AP2B1: variants seen among roughly 807,000 people sequenced by gnomAD.
AP2B1 encodes the protein adaptor related protein complex 2 subunit beta 1.
AP2B1 carries 23 observed loss-of-function variants against 102.0 expected under a neutral mutation model. The ratio of observed to expected loss-of-function variants is 0.23; its 90% CI spans 0.16 to 0.32. The LOEUF (loss-of-function observed/expected upper bound fraction) is 0.32, where lower values mean the gene tolerates loss of function less well. Ranked by LOEUF, AP2B1 falls within the 10% of genes least tolerant of loss-of-function variation. The pLI is 1.00. For synonymous variants in AP2B1, 381 were observed against 421.2 expected, an observed-to-expected ratio of 0.90 and a Z score of 1.17; for missense variants, 541 against 1,157.4, an observed-to-expected ratio of 0.47 and a Z score of 7.73.
intron 21 of AP2B1, among the ~76,000 whole-genome samples, chr17:35,721,233 A>C (rs1161984656): frequency 5.9e-5 from 9 of 152,214 alleles, no homozygotes; most frequent in African/African-American, 2.2e-4. Context: ...CACCTGAAAG[A>C]TAACTTGTCC....
chr17:35,689,582 G>T lies in AP2B1; in HGVS notation c.2454+6758G>T, dbSNP rs1332569768. On this transcript the variant is annotated intron_variant, in intron 18 of 21. Coordinates refer to ENST00000610402, the MANE Select transcript of AP2B1 (RefSeq NM_001030006.2). ...CATATCGAATCAATGTTCAGATTTT[G>T]TCATAATTTTTTTTGTTTTATTATT... is the stretch of plus-strand genomic sequence containing the variant. Among the ~76,000 whole-genome samples the T allele has an allele frequency of 5.9e-5, 9 of 152,194 alleles. No homozygotes were observed. The East Asian group carries it at 1.3e-3, about 23-fold the overall frequency.
At chr17:35,670,781 A>G in intron 14 of AP2B1, 76 bp from the exon 15 acceptor site, 2 of 1,457,100 alleles carry the variant, frequency 1.4e-6, no homozygotes, top group Non-Finnish European at 1.9e-6. Context: ...AGCAATTTAC[A>G]GATTCTATAT....
In AP2B1 at chr17:35,626,633, G is replaced by A. The variant is rs142141923; in HGVS notation, c.729G>A (p.Arg243=). ...DDREAQSICE[R]VTPRLSHANS... is the part of the protein sequence containing the mutation. ...TCTCCACCCTCAGCATCTGTGAGCG[G>A]GTAACTCCCCGGCTATCCCATGCCA... The change falls in exon 7 of 22, where the codon CGG becomes CGA. Residue 243 remains arginine (R), a synonymous_variant. Transcript: ENST00000610402. The A allele has an allele frequency of 6.2e-7, 1 of 1,611,472 alleles. No individual in the cohort carries two copies. Among genetic ancestry groups the A allele is most frequent in the African/African-American group, 1.3e-5 (1 of 74,714 alleles).
intron 17 of AP2B1, among the ~76,000 whole-genome samples, chr17:35,676,156 A>T (rs2075697390): frequency 6.6e-6 from 1 of 152,234 alleles, no homozygotes; most frequent in African/African-American, 2.4e-5. Flanking sequence ...GAGGCAGATT[A>T]TAGATTTAAT....
intron 21 of AP2B1, among the ~76,000 whole-genome samples, chr17:35,719,302 C>T (rs946398229): frequency 5.3e-5 from 8 of 151,886 alleles, no homozygotes; most frequent in Non-Finnish European, 1.2e-4. Context: ...ACTCTTATTA[C>T]ATGTATCAAT....
intron 9 of AP2B1, 147 bp downstream of exon 9, chr17:35,627,873 C>T: frequency 1.6e-6 from 1 of 640,300 alleles, no homozygotes; most frequent in East Asian, 3.0e-5. Flanking sequence ...GCAGCTGTCT[C>T]TGGTTCCTCC....
chr17:35,665,262 G>A (rs950195462), intron 14 of AP2B1, among the ~76,000 whole-genome samples: 9 of 146,432 alleles, frequency 6.1e-5, no homozygotes, highest in African/African-American at 1.0e-4. Flanking sequence ...GAACTAGCTG[G>A]GTCTACAGGC....
intron 16 of AP2B1, among the ~76,000 whole-genome samples, chr17:35,672,119 T>C (rs1345990576): frequency 2.6e-5 from 4 of 152,226 alleles, no homozygotes; most frequent in African/African-American, 9.6e-5. Flanking sequence ...AAATTTGACA[T>C]ATTAATTATT....
At chr17:35,703,953 T>C (rs181597337) in intron 18 of AP2B1, among the ~76,000 whole-genome samples, 9 of 152,350 alleles carry the variant, frequency 5.9e-5, no homozygotes, top group Admixed American at 4.6e-4. Flanking sequence ...CATGATGTTA[T>C]AGCTTTTGGA....
In AP2B1 at chr17:35,596,701, C is replaced by T. The variant is rs183994965; in HGVS notation, c.38-1529C>T. On this transcript the variant is annotated intron_variant, in intron 2 of 21. Coordinates refer to ENST00000610402, the MANE Select transcript of AP2B1 (RefSeq NM_001030006.2). ...TCGAGCACCAGCTTCACGTCCAGCT[C>T]CAGCTGCCCGGTGTAGAAGCCCACG... is the stretch of plus-strand genomic sequence containing the variant. Among the ~76,000 whole-genome samples the T allele has an allele frequency of 3.6e-4, 55 of 152,260 alleles. 1 individual carries two copies. Among genetic ancestry groups the T allele is most frequent in the African/African-American group, 1.1e-3 (45 of 41,562 alleles).
At chr17:35,608,616 C>T (rs577803691) in intron 5 of AP2B1, among the ~76,000 whole-genome samples, 1 of 152,128 alleles carries the variant, frequency 6.6e-6, no homozygotes, top group Non-Finnish European at 1.5e-5. Flanking sequence ...TGTACTTATG[C>T]TCATATTTGC....
chr17:35,694,494 C>T (rs1406356542), intron 18 of AP2B1, among the ~76,000 whole-genome samples: 3 of 150,228 alleles, frequency 2.0e-5, no homozygotes, highest in Non-Finnish European at 4.4e-5. Context: ...GTCCTGGGCT[C>T]AAGCCATCCA....
At chr17:35,694,461 A>G (rs371901089) in intron 18 of AP2B1, among the ~76,000 whole-genome samples, 10 of 124,492 alleles carry the variant, frequency 8.0e-5, no homozygotes, top group Non-Finnish European at 1.1e-4. Flanking sequence ...AGGTCTGGCT[A>G]TGTTTCCCAG....
In AP2B1 at chr17:35,671,912, G is replaced by A. The variant is rs757979959; in HGVS notation, c.2178+12G>A. On this transcript the variant is annotated intron_variant, in intron 16 of 21. Transcript: ENST00000610402. ...TGGCTCCTAAGGCTGTAAGTAAAGA[G>A]TTAACATAGCAATACTTTCTTAATG... is the stretch of plus-strand genomic sequence containing the variant. 1.2e-6 allele frequency: 2 copies of A among 1,613,220 alleles called. No individual in the cohort carries two copies. Among genetic ancestry groups the A allele is most frequent in the Non-Finnish European group, 1.7e-6 (2 of 1,179,418 alleles).
chr17:35,629,877 C>T (rs1324865777), intron 9 of AP2B1, among the ~76,000 whole-genome samples: 1 of 152,206 alleles, frequency 6.6e-6, no homozygotes, highest in African/African-American at 2.4e-5. Context: ...TGCCCTGCTT[C>T]ATCAGTCAGC....
intron 18 of AP2B1, among the ~76,000 whole-genome samples, chr17:35,696,369 A>AGGTTAAT (rs2076141800): frequency 6.6e-6 from 1 of 151,252 alleles, no homozygotes; most frequent in African/African-American, 2.4e-5. Context: ...GAAGAGAAGT[A>AGGTTAAT]GGTTAATGGA....
At position 35,627,454 on chromosome 17, in the gene AP2B1, A is replaced by G. The variant is rs114014320; in HGVS notation, c.1008A>G (p.Leu336=). The change falls in exon 8 of 22, where the codon CTA becomes CTG. Residue 336 remains leucine (L), a synonymous_variant. Coordinates refer to ENST00000610402, the MANE Select transcript of AP2B1 (RefSeq NM_001030006.2). ...VKYNDPIYVK[L]EKLDIMIRLA... is the part of the protein sequence containing the mutation. ...ACAATGATCCCATCTATGTTAAACT[A>G]GAGAAGTTGGACATCATGATTCGTT... 4.1e-4 allele frequency: 669 copies of G among 1,614,068 alleles called. 4 individuals carry two copies. In the African/African-American group the frequency reaches 8.2e-3, roughly 20 times the overall value.
At chr17:35,625,073 C>T (rs1374195934) in intron 6 of AP2B1, among the ~76,000 whole-genome samples, 1 of 152,118 alleles carries the variant, frequency 6.6e-6, no homozygotes, top group African/African-American at 2.4e-5. Flanking sequence ...AGAAGGCACA[C>T]CTAGATTGTT....
chr17:35,625,407 A>G (rs2074287575), intron 6 of AP2B1, among the ~76,000 whole-genome samples: 1 of 152,162 alleles, frequency 6.6e-6, no homozygotes, highest in African/African-American at 2.4e-5. Flanking sequence ...TCACTCTGAT[A>G]GTTTCTTTCC....
Sources: gnomAD v4.1 joint callset for allele counts (sites outside exome capture counted in the v4.1 genomes callset) on GRCh38, gnomAD v4.1.1 for gene constraint, MANE v1.5 for transcripts, NCBI Gene and HGNC (gene_info 2026-07-23, HGNC 2026-07-21) for gene names.